Variants in CHFR observed in about 807,000 individuals in gnomAD.
CHFR encodes E3 ubiquitin-protein ligase CHFR.
Under a neutral mutation model 87.6 loss-of-function variants are expected in CHFR, and 57 were observed. That is an observed-to-expected ratio of 0.65 (90% confidence interval 0.53 to 0.81). The LOEUF is 0.81. CHFR is among the 30% of genes least tolerant of loss of function. The probability of loss-of-function intolerance (pLI) is 0.00; values close to 1 mark genes in which losing one functional copy is unlikely to be tolerated. For missense variants in CHFR, 797 were observed against 865.8 expected, an observed-to-expected ratio of 0.92 and a Z score of 1.00; for synonymous variants, 381 against 359.2, an observed-to-expected ratio of 1.06 and a Z score of -0.69.
At chr12:132,859,800 G>A (rs1469050709) in intron 7 of CHFR, among the ~76,000 whole-genome samples, 1 of 152,176 alleles carries the variant, frequency 6.6e-6, no homozygotes, top group Admixed American at 6.6e-5. Flanking sequence ...CCAGCACTTT[G>A]GGAGGCTGAG....
intron 4 of CHFR, among the ~76,000 whole-genome samples, chr12:132,871,443 C>T (rs1373385709): frequency 2.7e-5 from 4 of 149,654 alleles, no homozygotes; most frequent in Non-Finnish European, 4.4e-5. Context: ...CAGAGCAGAG[C>T]GAGACTCTGT....
At chr12:132,850,531 T>C (rs1215821567) in intron 12 of CHFR, among the ~76,000 whole-genome samples, 2 of 152,180 alleles carry the variant, frequency 1.3e-5, no homozygotes, top group African/African-American at 2.4e-5. Flanking sequence ...CTGCCGTGGA[T>C]GACCCCCGAG....
chr12:132,844,179 C>G, intron 15 of CHFR, 45 bp from the exon 16 acceptor site: 2 of 1,307,030 alleles, frequency 1.5e-6, no homozygotes, highest in Non-Finnish European at 2.2e-6. Context: ...ATCTTCCCAA[C>G]AGCAGCGCAC....
intron 2 of CHFR, among the ~76,000 whole-genome samples, chr12:132,882,370 CAG>C (rs1426229118): frequency 5.3e-5 from 8 of 152,300 alleles, no homozygotes; most frequent in Admixed American, 4.6e-4. Context: ...AGCCGGGACT[CAG>C]GGGGACCTTT....
At chr12:132,843,144 T>A in intron 16 of CHFR, 61 bp from the exon 17 acceptor site, 1 of 1,483,226 alleles carries the variant, frequency 6.7e-7, no homozygotes, top group Non-Finnish European at 9.3e-7. Flanking sequence ...CTCAGCTACC[T>A]GAATCCCAGC....
Position 132,834,712 on chromosome 12 carries a change from CTTT to C in CHFR, c.*6839_*6841del, listed in dbSNP as rs60018437. ...CTTCCTGCCTTTGACTTCTTGCTTG[CTTT>C]TTTTTTTTTTTTTTTTTTGAGATAG... On this transcript the variant is annotated 3_prime_UTR_variant, in exon 18 of 18. Transcript: ENST00000450056. 2.2e-5 allele frequency: 3 copies of C among 135,370 alleles called. No individual in the cohort carries two copies. Among genetic ancestry groups the C allele is most frequent in the South Asian group, 2.4e-4 (1 of 4,138 alleles). 8.4% of individuals were successfully genotyped at this position (135,370 alleles called of 1,614,324 possible).
In CHFR at chr12:132,833,840, A is replaced by G. The variant is rs7970600; in HGVS notation, c.*7714T>C. On this transcript the variant is annotated 3_prime_UTR_variant, in exon 18 of 18. Transcript: ENST00000450056. ...AACAAAAAAAGAAAAGGAAAAGAAA[A>G]AAAAGGAATCATGCAGGTACTGGTG... The G allele has an allele frequency of 0.97, 147,208 of 152,476 alleles. 71,283 individuals are homozygous for G. The highest frequency in any genetic ancestry group is 1 in the East Asian group (5,188 of 5,188). 9.4% of individuals were successfully genotyped at this position (152,476 alleles called of 1,614,324 possible). A position where few individuals can be genotyped will look rare whatever the true frequency, so the allele number is the denominator to read the frequency against.
In CHFR at chr12:132,845,021, C is replaced by T. The variant is rs184628119; in HGVS notation, c.1736-887G>A. On this transcript the variant is annotated intron_variant, in intron 15 of 17. Transcript: ENST00000450056. Reference sequence around the variant, plus strand: ...GCTATTTCTAAGTATGTCTTGAAAACCAAATTGCACAGAGGAAAGGATTTG... The same window carrying T: ...GCTATTTCTAAGTATGTCTTGAAAATCAAATTGCACAGAGGAAAGGATTTG... 4.0e-3 allele frequency among the ~76,000 whole-genome samples: 616 copies of T among 152,248 alleles called. 1 individual carries two copies. The highest frequency in any genetic ancestry group is 5.8e-3 in the Non-Finnish European group (393 of 68,024).
intron 2 of CHFR, among the ~76,000 whole-genome samples, chr12:132,880,892 GA>G (rs1179158770): frequency 1.3e-5 from 2 of 151,960 alleles, no homozygotes; most frequent in East Asian, 3.9e-4. Context: ...GGGAACCCAG[GA>G]AGCGGAGGTT....
chr12:132,860,283 C>T (rs964031957), intron 7 of CHFR, among the ~76,000 whole-genome samples: 1 of 152,116 alleles, frequency 6.6e-6, no homozygotes, highest in Non-Finnish European at 1.5e-5. Context: ...GACACCCCTG[C>T]CAACATTACA....
chr12:132,870,902 T>C, intron 4 of CHFR, 119 bp from the exon 5 acceptor site: 3 of 588,904 alleles, frequency 5.1e-6, no homozygotes, highest in Non-Finnish European at 6.2e-6. Flanking sequence ...CATCAGCTAA[T>C]AACAAATTCA....
chr12:132,862,529 G>A (rs9943858), intron 6 of CHFR: 379,460 of 385,494 alleles, frequency 0.98, 187,057 homozygotes, highest in East Asian at 1. Flanking sequence ...ACTTGAGCCC[G>A]GGAGTTCGAG....
chr12:132,850,431 C>T (rs1429183218), intron 12 of CHFR, among the ~76,000 whole-genome samples: 2 of 152,054 alleles, frequency 1.3e-5, no homozygotes, highest in Non-Finnish European at 2.9e-5. Context: ...CTGCCATCTG[C>T]TGACCACCGC....
intron 12 of CHFR, among the ~76,000 whole-genome samples, chr12:132,850,189 G>A (rs1593456304): frequency 6.6e-6 from 1 of 152,152 alleles, no homozygotes; most frequent in Non-Finnish European, 1.5e-5. Flanking sequence ...TTCTAACCTC[G>A]TGATCCACCC....
rs763578887 is a variant in CHFR, at chr12:132,847,166, C to T, written c.1648-36G>A. 5 of 1,610,250 alleles carry T rather than the reference C, an allele frequency of 3.1e-6. No individual in the cohort carries two copies. The Middle Eastern group carries it at 6.6e-4, about 213-fold the overall frequency. ...AAAAAAGAGAGGAATAAGAAATACT[C>T]GTTTAGAGGAAGAAACACTGAAATA... On this transcript the variant is annotated intron_variant, in intron 14 of 17. Transcript: ENST00000450056.
At chr12:132,871,288 C>T (rs142480647) in intron 4 of CHFR, among the ~76,000 whole-genome samples, 258 of 151,988 alleles carry the variant, frequency 1.7e-3, no homozygotes, top group African/African-American at 5.6e-3. Context: ...CCTGTCTGTA[C>T]TAAAAATACA....
chr12:132,844,165 C>T (rs1950759945), intron 15 of CHFR, 31 bp from the exon 16 acceptor site: 2 of 955,760 alleles, frequency 2.1e-6, no homozygotes, highest in African/African-American at 2.6e-5. Context: ...TACCCAGCAA[C>T]ACCATCTTCC....
At chr12:132,870,567 G>C (rs1423527902) in intron 5 of CHFR, among the ~76,000 whole-genome samples, 157 bp downstream of exon 5, 1 of 151,136 alleles carries the variant, frequency 6.6e-6, no homozygotes, top group Non-Finnish European at 1.5e-5. Context: ...GACTGAAGCA[G>C]GGGAATTGCT....
At chr12:132,858,214 G>T (rs1951126886) in intron 8 of CHFR, among the ~76,000 whole-genome samples, 1 of 152,068 alleles carries the variant, frequency 6.6e-6, no homozygotes, top group Non-Finnish European at 1.5e-5. Context: ...AAAAAAATTA[G>T]CCAGATGTGG....
Sources: allele counts gnomAD v4.1 joint callset (sites outside exome capture counted in the v4.1 genomes callset), GRCh38; gene constraint gnomAD v4.1.1; transcripts MANE v1.5; gene names NCBI Gene and HGNC (gene_info 2026-07-23, HGNC 2026-07-21).